CSMD1: variants seen among roughly 807,000 people sequenced by gnomAD.
CSMD1 encodes the protein CUB and Sushi multiple domains 1.
Under a neutral mutation model 417.5 loss-of-function variants are expected in CSMD1, and 213 were observed. The observed-to-expected ratio is 0.51, with a 90% CI of 0.46 to 0.57. The LOEUF (loss-of-function observed/expected upper bound fraction) is 0.57. Ranked by LOEUF, CSMD1 falls within the 20% of genes least tolerant of loss-of-function variation. CSMD1 has a pLI of 0.00. For missense variants in CSMD1, 6,923 were observed against 4,529.7 expected (o/e 1.53, Z -15.17); for synonymous variants, 2,862 against 1,736.8 (o/e 1.65, Z -16.11).
Position 3,014,824 on chromosome 8 carries a change from G to C in CSMD1, c.8029+3653C>G, listed in dbSNP as rs941710343. ...CAAGCTACTTAGGAGGCTGAGGTGG[G>C]AGGAGCACTTGAGTCCAGGAGGTCG... On this transcript the variant is annotated intron_variant, in intron 52 of 69. Transcript: ENST00000635120. 3.3e-5 allele frequency among the ~76,000 whole-genome samples: 5 copies of C among 152,162 alleles called. No individual in the cohort carries two copies. In the East Asian group the frequency reaches 7.8e-4, roughly 24 times the overall value.
chr8:4,252,437 A>T (rs1187553394), intron 3 of CSMD1, among the ~76,000 whole-genome samples: 3 of 152,222 alleles, frequency 2.0e-5, no homozygotes, highest in African/African-American at 7.2e-5. Flanking sequence ...AATAAACTCG[A>T]GGGGACCTGA....
At chr8:3,747,987 G>C (rs1168000998) in intron 6 of CSMD1, among the ~76,000 whole-genome samples, 1 of 152,082 alleles carries the variant, frequency 6.6e-6, no homozygotes, top group East Asian at 1.9e-4. Flanking sequence ...GGTTCTCCAA[G>C]GTGGACGTGA....
In CSMD1 at chr8:4,230,827, T is replaced by C. The variant is rs201962031; in HGVS notation, c.415+189126A>G. ...TTCAGCAGCTTTTGCAGTGTCACAA[T>C]GTATTTTTTGTGGTTAGGAACAATC... On this transcript the variant is annotated intron_variant, in intron 3 of 69. Transcript: ENST00000635120. 5.4e-3 allele frequency among the ~76,000 whole-genome samples: 822 copies of C among 152,278 alleles called. 2 individuals carry two copies. The highest frequency in any genetic ancestry group is 9.2e-3 in the Non-Finnish European group (625 of 68,030).
At chr8:4,440,056 T>C (rs1401405409) in intron 2 of CSMD1, among the ~76,000 whole-genome samples, 2 of 152,188 alleles carry the variant, frequency 1.3e-5, no homozygotes, top group Non-Finnish European at 2.9e-5. Flanking sequence ...ATAGCAGTGA[T>C]CAACAGTTTA....
At position 3,106,375 on chromosome 8, in the gene CSMD1, G is replaced by C. The variant is rs148360820; in HGVS notation, c.6949+153C>G. On this transcript the variant is annotated intron_variant, in intron 46 of 69. Coordinates refer to ENST00000635120, the MANE Select transcript of CSMD1 (RefSeq NM_033225.6). ...ATTGCACCACTGTACTCCCACCTGG[G>C]TGACAGAGTAAGACCCTATCTCCAA... Among the ~76,000 whole-genome samples, 181 of 152,264 alleles carry C rather than the reference G, an allele frequency of 1.2e-3. 2 individuals carry two copies. Among genetic ancestry groups the C allele is most frequent in the African/African-American group, 3.9e-3 (163 of 41,558 alleles).
intron 3 of CSMD1, among the ~76,000 whole-genome samples, chr8:4,225,244 A>G (rs548192248): frequency 2.0e-5 from 3 of 152,218 alleles, no homozygotes; most frequent in African/African-American, 7.2e-5. Context: ...AGAATCAATG[A>G]CAAACCATCA....
intron 11 of CSMD1, among the ~76,000 whole-genome samples, chr8:3,493,238 G>A (rs113258790): frequency 1.1e-4 from 16 of 146,320 alleles, no homozygotes; most frequent in African/African-American, 2.0e-4. Context: ...AGGTTGCAGT[G>A]AGCCGAGATC....
chr8:4,322,543 G>T (rs987096682), intron 3 of CSMD1, among the ~76,000 whole-genome samples: 4 of 152,096 alleles, frequency 2.6e-5, no homozygotes, highest in Admixed American at 2.0e-4. Flanking sequence ...ATTTGAGGTA[G>T]GCCCTGAAGA....
At position 4,420,085 on chromosome 8, in the gene CSMD1, C is replaced by T. The variant is rs373108063; in HGVS notation, c.303-20G>A. 200 of 1,507,716 alleles carry T rather than the reference C, an allele frequency of 1.3e-4. 1 individual carries two copies. Among genetic ancestry groups the T allele is most frequent in the Non-Finnish European group, 1.7e-4 (186 of 1,108,542 alleles). The allele number at this position is 1,507,716 out of a possible 1,614,324, so 93.4% of individuals were successfully genotyped here. A position where few individuals can be genotyped will look rare whatever the true frequency, so the allele number is the denominator to read the frequency against. On this transcript the variant is annotated intron_variant, in intron 2 of 69. Coordinates refer to ENST00000635120, the MANE Select transcript of CSMD1 (RefSeq NM_033225.6). ...GATAATCTAAATTTAAAAGACAAGACACAAAGAGAGTTAAAAGCATGAATT... is the reference window on the plus strand; with the variant it reads ...GATAATCTAAATTTAAAAGACAAGATACAAAGAGAGTTAAAAGCATGAATT...
intron 50 of CSMD1, among the ~76,000 whole-genome samples, chr8:3,038,453 A>C (rs1810842776): frequency 6.6e-6 from 1 of 152,258 alleles, no homozygotes; most frequent in Non-Finnish European, 1.5e-5. Flanking sequence ...TAATTGTAAA[A>C]GCAATACACA....
intron 3 of CSMD1, among the ~76,000 whole-genome samples, chr8:4,155,304 C>A (rs1460450985): frequency 4.6e-5 from 7 of 152,134 alleles, no homozygotes; most frequent in Non-Finnish European, 1.0e-4. Context: ...GCAAGATCAG[C>A]GTTTGGGTCT....
intron 5 of CSMD1, among the ~76,000 whole-genome samples, chr8:3,991,488 T>C (rs959415379): frequency 6.6e-6 from 1 of 152,216 alleles, no homozygotes; most frequent in Non-Finnish European, 1.5e-5. Context: ...TCTATCATTA[T>C]GTTATACCCA....
rs139725768 is a variant in CSMD1 at position 4,072,590 on chromosome 8, T to C, written c.416-40491A>G. Reference sequence around the variant, plus strand: ...ATATAAGAAATATGAGGTTCTGTGGTTGTATGTGTTTGTGTTTTCTGTGTT... The same window carrying C: ...ATATAAGAAATATGAGGTTCTGTGGCTGTATGTGTTTGTGTTTTCTGTGTT... On this transcript the variant is annotated intron_variant, in intron 3 of 69. Transcript: ENST00000635120. Among the ~76,000 whole-genome samples the C allele has an allele frequency of 7.7e-3, 1,169 of 152,298 alleles. 10 individuals carry two copies. Among genetic ancestry groups the C allele is most frequent in the South Asian group, 0.012 (60 of 4,816 alleles).
chr8:4,201,217 G>C (rs932832266), intron 3 of CSMD1, among the ~76,000 whole-genome samples: 1 of 152,144 alleles, frequency 6.6e-6, no homozygotes, highest in South Asian at 2.1e-4. Context: ...ATGGCACAAA[G>C]AAAATACTGG....
intron 21 of CSMD1, among the ~76,000 whole-genome samples, chr8:3,357,158 C>A (rs982176930): frequency 3.3e-5 from 5 of 152,028 alleles, no homozygotes; most frequent in African/African-American, 1.2e-4. Context: ...AAGACAGCAC[C>A]CGAATGCACC....
At chr8:4,578,736 C>T (rs1194497163) in intron 2 of CSMD1, among the ~76,000 whole-genome samples, 4 of 149,548 alleles carry the variant, frequency 2.7e-5, no homozygotes, top group African/African-American at 7.4e-5. Context: ...ATTGCTTGAA[C>T]CTGGGAGGGG....
chr8:3,091,476 T>TA (rs1452400827), intron 48 of CSMD1, 40 bp downstream of exon 48: 44 of 1,496,484 alleles, frequency 2.9e-5, no homozygotes, highest in Non-Finnish European at 4.0e-5. Flanking sequence ...TCACCTGTTT[T>TA]AAAATACTTT....
chr8:3,471,489 C>T (rs1239901516), intron 11 of CSMD1, among the ~76,000 whole-genome samples: 2 of 95,560 alleles, frequency 2.1e-5, no homozygotes, highest in Non-Finnish European at 2.7e-5. Context: ...TAGTTCCTTC[C>T]TTCTTTCCTT....
In CSMD1 at chr8:3,040,632, G is replaced by A. The variant is rs529734750; in HGVS notation, c.7661-11119C>T. 4.5e-4 allele frequency among the ~76,000 whole-genome samples: 68 copies of A among 151,690 alleles called. 1 individual carries two copies. Among genetic ancestry groups the A allele is most frequent in the African/African-American group, 1.5e-3 (63 of 41,420 alleles). On this transcript the variant is annotated intron_variant, in intron 50 of 69. Coordinates refer to ENST00000635120, the MANE Select transcript of CSMD1 (RefSeq NM_033225.6). Reference sequence around the variant, plus strand: ...AGCCTGGCCAACATGATGAAACCCCGTCTCTACTAAAAATACAAAAATTAG... The same window carrying A: ...AGCCTGGCCAACATGATGAAACCCCATCTCTACTAAAAATACAAAAATTAG...
Sources: gnomAD v4.1 joint callset for allele counts (sites outside exome capture counted in the v4.1 genomes callset) on GRCh38, gnomAD v4.1.1 for gene constraint, MANE v1.5 for transcripts, NCBI Gene and HGNC (gene_info 2026-07-23, HGNC 2026-07-21) for gene names.